The following AP2A1 variants were observed in gnomAD, a reference collection of about 807,000 sequenced individuals.
The protein encoded by AP2A1 is AP-2 complex subunit alpha-1.
Under a neutral mutation model 107.3 loss-of-function variants are expected in AP2A1, and 21 were observed. The observed-to-expected ratio is 0.20, with a 90% CI of 0.14 to 0.28. The LOEUF (loss-of-function observed/expected upper bound fraction) is 0.28. Ranked by LOEUF, AP2A1 falls within the 10% of genes least tolerant of loss-of-function variation. AP2A1 has a pLI of 1.00. For synonymous variants in AP2A1, 602 were observed against 564.8 expected (o/e 1.07, Z -0.93); for missense variants, 873 against 1,307.7 (o/e 0.67, Z 5.13).
At position 49,799,748 on chromosome 19, in the gene AP2A1, C is replaced by T. The variant is rs374039488; in HGVS notation, c.1254C>T (p.Tyr418=). The T allele has an allele frequency of 3.3e-5, 53 of 1,613,374 alleles. No individual in the cohort carries two copies. Among genetic ancestry groups the T allele is most frequent in the African/African-American group, 1.6e-4 (12 of 75,052 alleles). ...TGCGGTACCTGGAGACGGCAGACTA[C>T]GCCATCCGCGAGGAGATCGTGAGTG... ...EMLRYLETAD[Y]AIREEIVLKV... Residue 418 remains tyrosine (Y), a synonymous_variant, in exon 10 of 23, where the codon TAC becomes TAT. Coordinates refer to ENST00000354293, the MANE Select transcript of AP2A1 (RefSeq NM_130787.3).
At chr19:49,768,044 A>G (rs1361781539) in intron 1 of AP2A1, among the ~76,000 whole-genome samples, 1 of 152,054 alleles carries the variant, frequency 6.6e-6, no homozygotes, top group Non-Finnish European at 1.5e-5. Flanking sequence ...AGGAGCGCCC[A>G]GACCTCAAGG....
intron 6 of AP2A1, 124 bp downstream of exon 6, chr19:49,793,216 G>A (rs1413014022): frequency 3.2e-6 from 3 of 942,426 alleles, no homozygotes; most frequent in Non-Finnish European, 4.8e-6. Flanking sequence ...CTCAGGCTCT[G>A]AGCTGGATTC....
chr19:49,775,963 C>T (rs1428107083), intron 1 of AP2A1, among the ~76,000 whole-genome samples: 1 of 152,158 alleles, frequency 6.6e-6, no homozygotes, highest in Non-Finnish European at 1.5e-5. Flanking sequence ...GCGTTATCTC[C>T]CCTAACCAGA....
rs1162898908 is a variant in AP2A1, at chr19:49,806,209, C to G, written c.2746C>G (p.Gln916Glu). Residue 916 changes from glutamine to glutamate, a missense_variant, in exon 22 of 23, where the codon CAG becomes GAG. Transcript: ENST00000354293. ...GGGGATCATCCAGACTAAAGCCCTG[C>G]AGGTGGGCTGTCTGCTTCGGCTGGA... Reference protein sequence around the residue: ...GAGIIQTKALQVGCLLRLEPN... With the variant: ...GAGIIQTKALEVGCLLRLEPN... The G allele has an allele frequency of 1.2e-6, 2 of 1,605,412 alleles. No homozygotes were observed. Among genetic ancestry groups the G allele is most frequent in the Non-Finnish European group, 1.7e-6 (2 of 1,176,316 alleles).
At chr19:49,792,159 C>G in intron 5 of AP2A1, 95 bp downstream of exon 5, 1 of 1,329,204 alleles carries the variant, frequency 7.5e-7, no homozygotes, top group South Asian at 1.3e-5. Flanking sequence ...AGCCCTCACA[C>G]CCCCGGATAC....
Position 49,805,857 on chromosome 19 carries a change from C to CT in AP2A1, c.2586-13dup, listed in dbSNP as rs755597777. 1 of 1,613,506 alleles carries CT rather than the reference C, an allele frequency of 6.2e-7. No homozygotes were observed. The highest frequency in any genetic ancestry group is 1.3e-5 in the African/African-American group (1 of 74,896). ...GGCCGTCCAGGTCCCTGACTTGAAC[C>CT]TTCCCGGTCCCCAGCCCTCAACAGG... On this transcript the variant is annotated splice_polypyrimidine_tract_variant and intron_variant, in intron 20 of 22. Transcript: ENST00000354293.
chr19:49,800,524 C>G (rs771410073), intron 11 of AP2A1, among the ~76,000 whole-genome samples: 1 of 152,106 alleles, frequency 6.6e-6, no homozygotes, highest in Non-Finnish European at 1.5e-5. Context: ...GAGTGAGTGC[C>G]GTGGTGCGAT....
At chr19:49,793,210 G>A in intron 6 of AP2A1, 118 bp downstream of exon 6, 1 of 990,742 alleles carries the variant, frequency 1.0e-6, no homozygotes, top group Admixed American at 2.2e-5. Context: ...TACAAACTCA[G>A]GCTCTGAGCT....
chr19:49,793,891 A>G (rs924466597), intron 6 of AP2A1, among the ~76,000 whole-genome samples: 4 of 120,292 alleles, frequency 3.3e-5, no homozygotes, highest in South Asian at 2.8e-4. Context: ...GCATCCACTC[A>G]TTGTTTCTTT....
In AP2A1 at chr19:49,785,657, C is replaced by T. The variant is rs2084728240; in HGVS notation, c.473+2933C>T. ...ACAGGCCAGGCACAGCAGCTCACAC[C>T]CGTAATCCCAGCACCTTGGGAGGCC... On this transcript the variant is annotated intron_variant, in intron 4 of 22. Coordinates refer to ENST00000354293, the MANE Select transcript of AP2A1 (RefSeq NM_130787.3). This position sits in a 1 kb window ranked among gnomAD's most constrained non-coding sequence, Gnocchi z 4.1. Among the ~76,000 whole-genome samples, 1 of 152,076 alleles carries T rather than the reference C, an allele frequency of 6.6e-6. No individual in the cohort carries two copies. The highest frequency in any genetic ancestry group is 1.5e-5 in the Non-Finnish European group (1 of 68,006).
rs770177222 is a variant in AP2A1, at chr19:49,801,477, G to A, written c.1641G>A (p.Lys547=). 10 of 1,613,784 alleles carry A rather than the reference G, an allele frequency of 6.2e-6. No homozygotes were observed. In the South Asian group the frequency reaches 8.8e-5, roughly 14 times the overall value. Residue 547 remains lysine, a synonymous_variant, in exon 13 of 23, where the codon AAG becomes AAA. Coordinates refer to ENST00000354293, the MANE Select transcript of AP2A1 (RefSeq NM_130787.3). ...TRALLLSTYI[K]FINLFPETKA... is the part of the protein sequence containing the mutation. ...CGCTGCTGCTGTCCACCTACATCAA[G>A]TTCATCAACCTCTTCCCCGAGACCA... is the stretch of plus-strand genomic sequence containing the variant.
intron 1 of AP2A1, among the ~76,000 whole-genome samples, chr19:49,779,399 T>C: frequency 7.0e-6 from 1 of 143,370 alleles, no homozygotes; most frequent in Middle Eastern, 3.6e-3. Context: ...CCCAGCGACT[T>C]TGGAGGCTGA....
At chr19:49,798,096 G>A (rs182569333) in intron 7 of AP2A1, among the ~76,000 whole-genome samples, 10 of 152,228 alleles carry the variant, frequency 6.6e-5, no homozygotes, top group Middle Eastern at 3.4e-3. Context: ...ATTTTCCTGC[G>A]GAAAATTCTG....
At chr19:49,795,582 G>GCCCCAA in intron 6 of AP2A1, 48 bp from the exon 7 acceptor site, 1 of 692,054 alleles carries the variant, frequency 1.4e-6, no homozygotes, top group Non-Finnish European at 2.7e-6. Flanking sequence ...GGACCCACGT[G>GCCCCAA]CCCCTCCCAC....
At chr19:49,794,263 T>C (rs62129182) in intron 6 of AP2A1, among the ~76,000 whole-genome samples, 3,696 of 149,774 alleles carry the variant, frequency 0.025, 79 homozygotes, top group South Asian at 0.094. Context: ...TCGCCCAGGC[T>C]GGAGTGCAGT....
At chr19:49,773,433 C>G (rs2084585711) in intron 1 of AP2A1, among the ~76,000 whole-genome samples, 1 of 152,196 alleles carries the variant, frequency 6.6e-6, no homozygotes, top group African/African-American at 2.4e-5. Flanking sequence ...CTGGGTCTCA[C>G]TCCAGCTTTG....
intron 1 of AP2A1, among the ~76,000 whole-genome samples, chr19:49,770,107 G>A (rs920095548): frequency 2.0e-5 from 3 of 152,190 alleles, no homozygotes; most frequent in Non-Finnish European, 4.4e-5. Context: ...AACCTCAAGT[G>A]ATCTGCCCGC....
chr19:49,802,199 C>A, intron 15 of AP2A1, 58 bp downstream of exon 15: 1 of 1,402,572 alleles, frequency 7.1e-7, no homozygotes, highest in South Asian at 1.2e-5. Flanking sequence ...TGTCCCTTCT[C>A]GGCCTCTGTC....
chr19:49,770,447 C>T (rs1273016024), intron 1 of AP2A1, among the ~76,000 whole-genome samples: 1 of 152,140 alleles, frequency 6.6e-6, no homozygotes, highest in Non-Finnish European at 1.5e-5. Context: ...GACTTGTCCA[C>T]CCCCTCCATG....
Sources: allele counts gnomAD v4.1 joint callset (sites outside exome capture counted in the v4.1 genomes callset), GRCh38; gene constraint gnomAD v4.1.1; non-coding constraint Gnocchi (gnomAD v3.1); transcripts MANE v1.5; gene names NCBI Gene and HGNC (gene_info 2026-07-23, HGNC 2026-07-21).